Variants in RALY observed in about 807,000 individuals in gnomAD.
RALY encodes the protein RALY heterogeneous nuclear ribonucleoprotein.
RALY carries 15 observed loss-of-function variants against 30.7 expected under a neutral mutation model. The ratio of observed to expected loss-of-function variants is 0.49; its 90% CI spans 0.33 to 0.75. RALY has a LOEUF of 0.75. Among genes scored for constraint, RALY ranks in the 30% least tolerant of loss-of-function variants. RALY has a pLI of 0.02. For missense variants in RALY, 339 were observed against 414.3 expected, an observed-to-expected ratio of 0.82 and a Z score of 1.58; for synonymous variants, 177 against 170.8, an observed-to-expected ratio of 1.04 and a Z score of -0.28.
chr20:34,035,649 T>C (rs1393859166), intron 2 of RALY, among the ~76,000 whole-genome samples: 2 of 152,224 alleles, frequency 1.3e-5, no homozygotes, highest in African/African-American at 4.8e-5. Flanking sequence ...GTTTTTCTTT[T>C]TAAAGATACA....
intron 2 of RALY, chr20:34,033,149 T>C (rs2032348257): frequency 6.6e-6 from 1 of 152,308 alleles, no homozygotes; most frequent in Admixed American, 6.5e-5. Context: ...TCTCTCAACA[T>C]GTGCCCTTGG....
intron 2 of RALY, among the ~76,000 whole-genome samples, chr20:34,057,247 G>A (rs1212572108): frequency 6.6e-6 from 1 of 152,070 alleles, no homozygotes; most frequent in African/African-American, 2.4e-5. Flanking sequence ...GGAAATACAT[G>A]AACATGCTAA....
chr20:34,074,863 A>T (rs752500254), intron 5 of RALY, among the ~76,000 whole-genome samples: 1 of 151,652 alleles, frequency 6.6e-6, no homozygotes, highest in African/African-American at 2.4e-5. Context: ...AGCCATCACC[A>T]CCTCCAGGAA....
chr20:34,068,836 C>T (rs2033648975), intron 2 of RALY, among the ~76,000 whole-genome samples: 1 of 152,178 alleles, frequency 6.6e-6, no homozygotes, highest in South Asian at 2.1e-4. Flanking sequence ...TGTGTGGTCA[C>T]TCAAGCCTTT....
intron 1 of RALY, among the ~76,000 whole-genome samples, chr20:34,013,480 G>A (rs1335146408): frequency 6.6e-6 from 1 of 151,010 alleles, no homozygotes; most frequent in Non-Finnish European, 1.5e-5. Flanking sequence ...GGGGCTTATT[G>A]GGATGTAACC....
chr20:34,040,840 A>G (rs1470380020), intron 2 of RALY, among the ~76,000 whole-genome samples: 1 of 152,206 alleles, frequency 6.6e-6, no homozygotes, highest in African/African-American at 2.4e-5. Flanking sequence ...TCCTGACCCC[A>G]TTGACTAAGC....
At chr20:34,035,170 A>C (rs1423080109) in intron 2 of RALY, among the ~76,000 whole-genome samples, 1 of 122,052 alleles carries the variant, frequency 8.2e-6, no homozygotes, top group Non-Finnish European at 1.5e-5. Flanking sequence ...AAAAAAAAAA[A>C]AAAAAAAAAA....
intron 2 of RALY, among the ~76,000 whole-genome samples, chr20:34,058,018 AC>A (rs2033305031): frequency 6.6e-6 from 1 of 151,544 alleles, no homozygotes; most frequent in African/African-American, 2.4e-5. Context: ...TTTTGGAGAA[AC>A]TTTTTTTTTT....
chr20:34,035,109 C>T (rs778223996), intron 2 of RALY, among the ~76,000 whole-genome samples: 28 of 132,026 alleles, frequency 2.1e-4, no homozygotes, highest in Admixed American at 3.4e-4. Context: ...GCTGAGATTG[C>T]GCCACTCTAC....
At position 34,082,355 on chromosome 20, in the gene RALY, A is replaced by G. The variant is rs922426477; in HGVS notation, c.*2450A>G. On this transcript the variant is annotated 3_prime_UTR_variant, in exon 10 of 10. Coordinates refer to ENST00000246194, the MANE Select transcript of RALY (RefSeq NM_016732.3). The stretch of plus-strand genomic sequence containing the variant: ...GGATTTAGAGCTGAATGAACCTCAC[A>G]CTGAGGGCACAATAGCACTAGGCAC... 2 of 152,166 alleles carry G rather than the reference A, an allele frequency of 1.3e-5. No homozygotes were observed. The highest frequency in any genetic ancestry group is 4.8e-5 in the African/African-American group (2 of 41,436). 9.4% of individuals were successfully genotyped at this position (152,166 alleles called of 1,614,324 possible).
chr20:34,055,952 G>C (rs1286326632), intron 2 of RALY, among the ~76,000 whole-genome samples: 2 of 152,102 alleles, frequency 1.3e-5, no homozygotes, highest in African/African-American at 4.8e-5. Context: ...AGACAAAAAG[G>C]GTTTGGCACA....
intron 1 of RALY, among the ~76,000 whole-genome samples, chr20:34,028,211 A>G (rs2123083316): frequency 6.6e-6 from 1 of 152,028 alleles, no homozygotes; most frequent in South Asian, 2.1e-4. Flanking sequence ...GCTTGAAACC[A>G]GGAGGCGGAG....
intron 1 of RALY, among the ~76,000 whole-genome samples, chr20:34,004,592 A>G (rs1333754276): frequency 6.6e-6 from 1 of 152,218 alleles, no homozygotes; most frequent in African/African-American, 2.4e-5. Flanking sequence ...GATGGGTGAT[A>G]CCTTCTCATA....
rs759339534 is a variant in RALY at position 34,083,232 on chromosome 20, T to C, written c.*3327T>C. The C allele has an allele frequency of 2.6e-5, 4 of 152,240 alleles. No homozygotes were observed. The highest frequency in any genetic ancestry group is 5.9e-5 in the Non-Finnish European group (4 of 68,076). 9.4% of individuals were successfully genotyped at this position (152,240 alleles called of 1,614,324 possible). A position where few individuals can be genotyped will look rare whatever the true frequency, so the allele number is the denominator to read the frequency against. On this transcript the variant is annotated 3_prime_UTR_variant, in exon 10 of 10. Transcript: ENST00000246194. ...GCTGTGTTCAGTGTGGTGGTTCTTA[T>C]CTCATCTGGGCCCTCGTGTGGCTGA...
At chr20:34,022,632 T>A (rs573894816) in intron 1 of RALY, among the ~76,000 whole-genome samples, 31 of 152,282 alleles carry the variant, frequency 2.0e-4, no homozygotes, top group African/African-American at 7.2e-4. Flanking sequence ...CTACTGAGCC[T>A]CCTATGCCTC....
intron 2 of RALY, among the ~76,000 whole-genome samples, chr20:34,056,980 G>C (rs1284197407): frequency 6.6e-6 from 1 of 152,182 alleles, no homozygotes; most frequent in Non-Finnish European, 1.5e-5. Context: ...AGATGCTATT[G>C]TTTATAATAG....
chr20:33,999,236 C>A (rs1353395014), intron 1 of RALY, among the ~76,000 whole-genome samples: 1 of 151,566 alleles, frequency 6.6e-6, no homozygotes, highest in African/African-American at 2.4e-5. Flanking sequence ...CTACCTGGTG[C>A]AGTTTTGTAA....
intron 2 of RALY, among the ~76,000 whole-genome samples, chr20:34,043,658 G>T (rs1030251742): frequency 4.6e-5 from 7 of 152,090 alleles, no homozygotes; most frequent in African/African-American, 1.7e-4. Flanking sequence ...CTGTTCCATG[G>T]GGGTTCATAC....
chr20:33,996,661 T>A (rs1458503905), intron 1 of RALY, among the ~76,000 whole-genome samples: 1 of 152,122 alleles, frequency 6.6e-6, no homozygotes, highest in Non-Finnish European at 1.5e-5. Flanking sequence ...ACATAAAATT[T>A]ACCATTTAAC....
Sources: allele counts gnomAD v4.1 joint callset (sites outside exome capture counted in the v4.1 genomes callset), GRCh38; gene constraint gnomAD v4.1.1; transcripts MANE v1.5; gene names NCBI Gene and HGNC (gene_info 2026-07-23, HGNC 2026-07-21).